Variants in ST3GAL3 observed in about 807,000 individuals in gnomAD.
ST3GAL3 encodes the protein ST3 beta-galactoside alpha-2,3-sialyltransferase 3, also known as CMP-N-acetylneuraminate-beta-1,4-galactoside alpha-2,3-sialyltransferase.
ST3GAL3 carries 21 observed loss-of-function variants against 50.1 expected under a neutral mutation model. The observed-to-expected ratio is 0.42, with a 90% CI of 0.30 to 0.60. ST3GAL3 has a LOEUF of 0.60. Among genes scored for constraint, ST3GAL3 ranks in the 20% least tolerant of loss-of-function variants. The probability of loss-of-function intolerance (pLI) is 0.19; values close to 1 mark genes in which losing one functional copy is unlikely to be tolerated. For missense variants in ST3GAL3, 353 were observed against 489.4 expected (o/e 0.72, Z 2.63); for synonymous variants, 183 against 190.0 (o/e 0.96, Z 0.30).
intron 5 of ST3GAL3, among the ~76,000 whole-genome samples, chr1:43,869,121 C>A (rs949626985): frequency 1.3e-5 from 2 of 152,128 alleles, no homozygotes; most frequent in Non-Finnish European, 2.9e-5. Context: ...ATCGTGGAAT[C>A]ATGGAGATTA....
chr1:43,749,958 C>T (rs1001132094), intron 2 of ST3GAL3, among the ~76,000 whole-genome samples: 1 of 152,140 alleles, frequency 6.6e-6, no homozygotes, highest in Middle Eastern at 3.2e-3. Context: ...TTCCAGACAC[C>T]AAACCTGCTA....
intron 3 of ST3GAL3, among the ~76,000 whole-genome samples, chr1:43,814,367 A>G (rs1407030116): frequency 6.6e-6 from 1 of 152,230 alleles, no homozygotes; most frequent in Non-Finnish European, 1.5e-5. Context: ...TAGAAGCATC[A>G]ATTTATCTTT....
At chr1:43,740,242 A>C (rs1571870140) in intron 2 of ST3GAL3, among the ~76,000 whole-genome samples, 3 of 151,582 alleles carry the variant, frequency 2.0e-5, no homozygotes, top group Non-Finnish European at 4.4e-5. Context: ...GCGCCCCTGT[A>C]GTCCCAGCTA....
chr1:43,891,618 A>G (rs780529414), intron 5 of ST3GAL3, among the ~76,000 whole-genome samples: 5 of 152,230 alleles, frequency 3.3e-5, no homozygotes, highest in Non-Finnish European at 5.9e-5. Context: ...AAAAATTACA[A>G]TAGATTGACA....
At chr1:43,894,917 C>T (rs570890058) in intron 6 of ST3GAL3, among the ~76,000 whole-genome samples, 4 of 152,220 alleles carry the variant, frequency 2.6e-5, no homozygotes, top group South Asian at 2.1e-4. Context: ...CCACCATGCC[C>T]GGCTTCTTCT....
At chr1:43,885,550 T>C (rs1476835489) in intron 5 of ST3GAL3, among the ~76,000 whole-genome samples, 1 of 152,120 alleles carries the variant, frequency 6.6e-6, no homozygotes, top group Admixed American at 6.5e-5. Flanking sequence ...ACACCCCCGC[T>C]AGTCTGACCA....
chr1:43,751,488 C>T (rs193215941), intron 2 of ST3GAL3, among the ~76,000 whole-genome samples: 41 of 152,244 alleles, frequency 2.7e-4, no homozygotes, highest in Non-Finnish European at 3.7e-4. Flanking sequence ...TAAATAATGG[C>T]ATGTCCATTT....
rs151222212 is a variant in ST3GAL3 at position 43,760,869 on chromosome 1, A to G, written c.118+24489A>G. Among the ~76,000 whole-genome samples, 385 of 152,358 alleles carry G rather than the reference A, an allele frequency of 2.5e-3. 2 individuals carry two copies. The highest frequency in any genetic ancestry group is 8.8e-3 in the African/African-American group (367 of 41,586). ...TAAAAAAATAAAATGTGGTATATCC[A>G]AACGATGGACTGTTCTGCAATAAAG... On this transcript the variant is annotated intron_variant, in intron 2 of 11. Coordinates refer to ENST00000347631, the MANE Select transcript of ST3GAL3 (RefSeq NM_006279.5).
chr1:43,752,897 T>A (rs1686705993), intron 2 of ST3GAL3, among the ~76,000 whole-genome samples: 1 of 152,206 alleles, frequency 6.6e-6, no homozygotes, highest in Non-Finnish European at 1.5e-5. Context: ...ATGGACTGTC[T>A]CTCTACAAAC....
intron 2 of ST3GAL3, among the ~76,000 whole-genome samples, chr1:43,783,384 C>G (rs1019913222): frequency 6.6e-6 from 1 of 152,162 alleles, no homozygotes; most frequent in African/African-American, 2.4e-5. Flanking sequence ...GCCTTTACCC[C>G]CTTGTCCTCC....
In ST3GAL3 at chr1:43,734,276, TTCTC is replaced by T. The variant is rs149985349; in HGVS notation, c.-30-1955_-30-1952del. ...TTCACTTTATGTTTTCTTTTCTTTC[TTCTC>T]TTTCTTTCTTCTTCTTCTTTTTTTT... On this transcript the variant is annotated intron_variant, in intron 1 of 11. Transcript: ENST00000347631. 3.6e-3 allele frequency among the ~76,000 whole-genome samples: 540 copies of T among 150,818 alleles called. 3 individuals are homozygous for T. The highest frequency in any genetic ancestry group is 0.012 in the African/African-American group (513 of 41,236).
At chr1:43,748,316 T>C (rs1045308939) in intron 2 of ST3GAL3, among the ~76,000 whole-genome samples, 3 of 151,994 alleles carry the variant, frequency 2.0e-5, no homozygotes, top group African/African-American at 7.2e-5. Context: ...ATAAAAATAC[T>C]GCTGAGAGGA....
intron 5 of ST3GAL3, among the ~76,000 whole-genome samples, chr1:43,855,911 G>A (rs1250317990): frequency 6.6e-6 from 1 of 152,126 alleles, no homozygotes; most frequent in East Asian, 1.9e-4. Context: ...GCATGAACAG[G>A]TTACTAATGA....
At chr1:43,824,269 C>T (rs2062476085) in intron 4 of ST3GAL3, among the ~76,000 whole-genome samples, 1 of 151,830 alleles carries the variant, frequency 6.6e-6, no homozygotes, top group Admixed American at 6.6e-5. Context: ...CTTTATCTAA[C>T]CCTGACTTTC....
intron 1 of ST3GAL3, among the ~76,000 whole-genome samples, chr1:43,731,378 ATTTTT>A (rs4019073): frequency 1.4e-5 from 1 of 69,852 alleles, no homozygotes. Flanking sequence ...CACCCAGCTA[ATTTTT>A]TTTTTTTTTT....
intron 1 of ST3GAL3, among the ~76,000 whole-genome samples, chr1:43,713,574 G>A (rs1271615331): frequency 2.2e-5 from 3 of 135,932 alleles, no homozygotes; most frequent in African/African-American, 2.8e-5. Flanking sequence ...CACCCAGGCT[G>A]GAGTGCACTG....
intron 1 of ST3GAL3, chr1:43,716,573 A>G (rs17531412): frequency 0.24 from 37,019 of 152,038 alleles, 4,907 homozygotes; most frequent in Non-Finnish European, 0.3. Context: ...TTAACATCCA[A>G]TTTTTACGGA....
chr1:43,828,269 T>TA (rs758773097), intron 4 of ST3GAL3, among the ~76,000 whole-genome samples: 1 of 152,198 alleles, frequency 6.6e-6, no homozygotes, highest in African/African-American at 2.4e-5. Flanking sequence ...CTAAATAGAC[T>TA]AAATGCAAAA....
chr1:43,833,059 G>A (rs1286590146), intron 4 of ST3GAL3, among the ~76,000 whole-genome samples: 1 of 152,192 alleles, frequency 6.6e-6, no homozygotes, highest in East Asian at 1.9e-4. Flanking sequence ...CATGAAACGA[G>A]GGAGCAGGCA....
Sources: gnomAD v4.1 joint callset for allele counts (sites outside exome capture counted in the v4.1 genomes callset) on GRCh38, gnomAD v4.1.1 for gene constraint, MANE v1.5 for transcripts, NCBI Gene and HGNC (gene_info 2026-07-23, HGNC 2026-07-21) for gene names.